TBC1D5: variants seen among roughly 807,000 people sequenced by gnomAD.
TBC1D5 encodes the protein TBC1 domain family member 5, also known as TBC1 domain family, member 5.
TBC1D5 carries 75 observed loss-of-function variants against 100.3 expected under a neutral mutation model. The observed-to-expected ratio is 0.75, with a 90% CI of 0.62 to 0.91. TBC1D5 has a LOEUF of 0.91. Among genes scored for constraint, TBC1D5 ranks in the 40% least tolerant of loss-of-function variants. The probability of loss-of-function intolerance (pLI) is 0.00; values close to 1 mark genes in which losing one functional copy is unlikely to be tolerated. For missense variants in TBC1D5, 910 were observed against 942.4 expected (o/e 0.97, Z 0.45); for synonymous variants, 323 against 325.6 (o/e 0.99, Z 0.09).
intron 2 of TBC1D5, among the ~76,000 whole-genome samples, chr3:17,551,050 C>G (rs1333029990): frequency 6.6e-6 from 1 of 151,922 alleles, no homozygotes; most frequent in Non-Finnish European, 1.5e-5. Flanking sequence ...CAGTAAATAG[C>G]TCTGTGTGTG....
At chr3:17,454,552 CG>C (rs2149778400) in intron 3 of TBC1D5, among the ~76,000 whole-genome samples, 1 of 152,192 alleles carries the variant, frequency 6.6e-6, no homozygotes, top group East Asian at 1.9e-4. Flanking sequence ...CTCCGCCTCC[CG>C]GGTTCACGCC....
chr3:17,167,029 C>T, intron 20 of TBC1D5, 101 bp from the exon 22 acceptor site: 1 of 1,103,532 alleles, frequency 9.1e-7, no homozygotes, highest in Non-Finnish European at 1.2e-6. Context: ...TGTCATCAAT[C>T]ATTTTTTATA....
chr3:17,658,031 C>A (rs759164354), intron 1 of TBC1D5, among the ~76,000 whole-genome samples: 1 of 152,170 alleles, frequency 6.6e-6, no homozygotes, highest in South Asian at 2.1e-4. Flanking sequence ...CATTGTGTTA[C>A]AACTGCCTAC....
At chr3:17,166,654 T>C in intron 21 of TBC1D5, 113 bp downstream of exon 22, 1 of 1,450,386 alleles carries the variant, frequency 6.9e-7, no homozygotes, top group Middle Eastern at 1.9e-4. Context: ...GCAGTTGAAC[T>C]TCATACATGG....
intron 13 of TBC1D5, among the ~76,000 whole-genome samples, chr3:17,327,405 G>C (rs2151070621): frequency 6.6e-6 from 1 of 152,294 alleles, no homozygotes; most frequent in East Asian, 1.9e-4. Flanking sequence ...AAAAATCTAT[G>C]TCCTTAAAAT....
At chr3:17,224,660 G>A (rs2074653798) in intron 17 of TBC1D5, among the ~76,000 whole-genome samples, 2 of 152,168 alleles carry the variant, frequency 1.3e-5, no homozygotes, top group Non-Finnish European at 2.9e-5. Flanking sequence ...ACAAAATAGG[G>A]TAATGATATG....
intron 3 of TBC1D5, among the ~76,000 whole-genome samples, chr3:17,433,720 T>TA (rs1219897025): frequency 4.6e-5 from 7 of 152,144 alleles, no homozygotes; most frequent in Non-Finnish European, 7.3e-5. Context: ...TGCAAAGTCT[T>TA]AACTCATTCC....
intron 2 of TBC1D5, among the ~76,000 whole-genome samples, chr3:17,606,882 A>C (rs2061364370): frequency 1.3e-5 from 2 of 152,204 alleles, no homozygotes; most frequent in South Asian, 4.1e-4. Context: ...CAGATAAGAC[A>C]GAAAATCCCA....
At chr3:17,461,203 C>CAAT (rs2095201813) in intron 3 of TBC1D5, among the ~76,000 whole-genome samples, 1 of 152,130 alleles carries the variant, frequency 6.6e-6, no homozygotes, top group Admixed American at 6.5e-5. Flanking sequence ...AATATGAATG[C>CAAT]AATAATGCAA....
intron 2 of TBC1D5, among the ~76,000 whole-genome samples, chr3:17,551,803 G>A (rs555085759): frequency 1.3e-5 from 2 of 152,084 alleles, no homozygotes; most frequent in South Asian, 4.1e-4. Flanking sequence ...CACATTTGAA[G>A]GAGTTTAAAT....
intron 1 of TBC1D5, among the ~76,000 whole-genome samples, chr3:17,657,289 G>A (rs1329952965): frequency 6.6e-6 from 1 of 151,092 alleles, no homozygotes; most frequent in African/African-American, 2.4e-5. Context: ...TCCTTGGATG[G>A]CAGCCAATCC....
intron 1 of TBC1D5, among the ~76,000 whole-genome samples, chr3:17,704,451 G>A (rs527308467): frequency 3.4e-5 from 5 of 147,932 alleles, no homozygotes; most frequent in East Asian, 4.2e-4. Context: ...CCTCCCAGAC[G>A]GGGTGGTGGC....
At chr3:17,356,060 T>TA (rs1455112458) in intron 13 of TBC1D5, among the ~76,000 whole-genome samples, 1 of 152,100 alleles carries the variant, frequency 6.6e-6, no homozygotes, top group Non-Finnish European at 1.5e-5. Context: ...ATGCTGGTTT[T>TA]AAAAAAAGTG....
chr3:17,272,919 T>G (rs970430608), intron 15 of TBC1D5, among the ~76,000 whole-genome samples: 1 of 152,212 alleles, frequency 6.6e-6, no homozygotes, highest in Non-Finnish European at 1.5e-5. Flanking sequence ...AGTCATTCCT[T>G]TGTAATCAAC....
intron 1 of TBC1D5, among the ~76,000 whole-genome samples, chr3:17,708,997 A>G (rs188800915): frequency 2.0e-5 from 3 of 152,356 alleles, no homozygotes; most frequent in Non-Finnish European, 4.4e-5. Flanking sequence ...TAAATTACCT[A>G]CATTATATTT....
intron 14 of TBC1D5, among the ~76,000 whole-genome samples, chr3:17,296,316 C>T (rs2150256074): frequency 6.6e-6 from 1 of 152,196 alleles, no homozygotes; most frequent in African/African-American, 2.4e-5. Context: ...AATGAAAGTG[C>T]CTTGCCAGAC....
intron 5 of TBC1D5, among the ~76,000 whole-genome samples, chr3:17,405,844 G>A (rs58066441): frequency 0.091 from 13,868 of 151,972 alleles, 1,425 homozygotes; most frequent in African/African-American, 0.26. Context: ...ATAAATTCAT[G>A]TTTAGAAAAC....
chr3:17,651,419 T>C (rs2065543082), intron 1 of TBC1D5, among the ~76,000 whole-genome samples: 1 of 152,226 alleles, frequency 6.6e-6, no homozygotes. Context: ...CACAGTAATA[T>C]TTGATTTTTC....
intron 18 of TBC1D5, among the ~76,000 whole-genome samples, chr3:17,186,512 C>A (rs962068547): frequency 2.6e-5 from 4 of 151,452 alleles, no homozygotes; most frequent in Non-Finnish European, 5.9e-5. Context: ...AGTTCGAGAC[C>A]AGCCTTGTCA....
Sources: allele counts gnomAD v4.1 joint callset (sites outside exome capture counted in the v4.1 genomes callset), GRCh38; gene constraint gnomAD v4.1.1; transcripts MANE v1.5; gene names NCBI Gene and HGNC (gene_info 2026-07-23, HGNC 2026-07-21).